Variants in CCDC150 observed in about 807,000 individuals in gnomAD.
The protein encoded by CCDC150 is coiled-coil domain-containing protein 150.
CCDC150 carries 151 observed loss-of-function variants against 156.5 expected under a neutral mutation model. That is an observed-to-expected ratio of 0.97 (90% confidence interval 0.85 to 1.10). The LOEUF (loss-of-function observed/expected upper bound fraction) is 1.10, where lower values mean the gene tolerates loss of function less well. CCDC150 is among the 50% of genes least tolerant of loss of function. The pLI is 0.00. For missense variants in CCDC150, 1,312 were observed against 1,268.1 expected (o/e 1.03, Z -0.53); for synonymous variants, 452 against 429.4 (o/e 1.05, Z -0.65).
At chr2:196,715,946 G>A (rs551836246) in intron 17 of CCDC150, among the ~76,000 whole-genome samples, 1 of 152,150 alleles carries the variant, frequency 6.6e-6, no homozygotes, top group Admixed American at 6.5e-5. Context: ...GGAATTATTT[G>A]CAAATCACAT....
intron 6 of CCDC150, 95 bp from the exon 7 acceptor site, chr2:196,666,624 A>C (rs1575786962): frequency 2.9e-6 from 3 of 1,034,048 alleles, no homozygotes; most frequent in Non-Finnish European, 4.2e-6. Flanking sequence ...TCTCAGTGAC[A>C]TTAAGGTTGG....
rs1559215863 is a variant in CCDC150, at chr2:196,653,579, C to G, written c.177-3054C>G. On this transcript the variant is annotated intron_variant, in intron 2 of 27. Transcript: ENST00000389175. Reference sequence around the variant, plus strand: ...TGTCCTCTGTCTATATTTCTGTCATCTAAGACCTCATCAGTATGTCCTCTG... The same window carrying G: ...TGTCCTCTGTCTATATTTCTGTCATGTAAGACCTCATCAGTATGTCCTCTG... Among the ~76,000 whole-genome samples, 6 of 152,328 alleles carry G rather than the reference C, an allele frequency of 3.9e-5. No homozygotes were observed. In the South Asian group the frequency reaches 1.0e-3, roughly 26 times the overall value.
chr2:196,703,151 G>A (rs1696353500), intron 15 of CCDC150, among the ~76,000 whole-genome samples: 1 of 152,160 alleles, frequency 6.6e-6, no homozygotes, highest in Non-Finnish European at 1.5e-5. Context: ...CCAAACCATA[G>A]CAGCAACTAT....
chr2:196,644,462 G>A (rs562075229), intron 1 of CCDC150, among the ~76,000 whole-genome samples: 6 of 152,224 alleles, frequency 3.9e-5, no homozygotes, highest in African/African-American at 1.2e-4. Flanking sequence ...AGCTGATCCA[G>A]CCCGACGGGC....
chr2:196,717,954 G>A (rs1308979101), intron 17 of CCDC150, among the ~76,000 whole-genome samples: 1 of 152,006 alleles, frequency 6.6e-6, no homozygotes, highest in East Asian at 1.9e-4. Flanking sequence ...CATCCTGTGA[G>A]CCTAAAATTA....
intron 15 of CCDC150, among the ~76,000 whole-genome samples, chr2:196,702,788 A>C (rs1696328628): frequency 6.6e-6 from 1 of 151,944 alleles, no homozygotes; most frequent in South Asian, 2.1e-4. Context: ...GCTATAACAG[A>C]ATGTCTGAGA....
At chr2:196,722,843 T>C (rs1005963679) in intron 21 of CCDC150, among the ~76,000 whole-genome samples, 4 of 151,804 alleles carry the variant, frequency 2.6e-5, no homozygotes, top group African/African-American at 9.7e-5. Context: ...TAAAATGTAG[T>C]CCCTGCCACT....
chr2:196,654,613 C>A (rs1693085318), intron 2 of CCDC150, among the ~76,000 whole-genome samples: 1 of 151,974 alleles, frequency 6.6e-6, no homozygotes, highest in Admixed American at 6.6e-5. Context: ...TACTTTCTTA[C>A]TCTCTTTTGT....
chr2:196,693,392 A>G (rs1423824047), intron 13 of CCDC150, among the ~76,000 whole-genome samples: 3 of 152,190 alleles, frequency 2.0e-5, no homozygotes, highest in East Asian at 3.8e-4. Flanking sequence ...TTAGATTTGT[A>G]CTTAAAGAAT....
chr2:196,689,062 C>A (rs1044944979), intron 13 of CCDC150, among the ~76,000 whole-genome samples: 2 of 152,108 alleles, frequency 1.3e-5, no homozygotes, highest in East Asian at 3.9e-4. Flanking sequence ...TGTAGATATG[C>A]GGCGTTATTT....
chr2:196,669,110 T>C (rs749867468), intron 7 of CCDC150, among the ~76,000 whole-genome samples: 26 of 152,246 alleles, frequency 1.7e-4, no homozygotes, highest in Non-Finnish European at 3.5e-4. Context: ...CTTTTCACTG[T>C]ACATGCTCTG....
At chr2:196,670,952 C>T (rs1694166222) in intron 8 of CCDC150, among the ~76,000 whole-genome samples, 1 of 152,130 alleles carries the variant, frequency 6.6e-6, no homozygotes, top group South Asian at 2.1e-4. Flanking sequence ...GCATAGCCTT[C>T]CTCATTAGCC....
chr2:196,693,656 C>T (rs1695624800), intron 13 of CCDC150, among the ~76,000 whole-genome samples: 1 of 152,124 alleles, frequency 6.6e-6, no homozygotes, highest in Non-Finnish European at 1.5e-5. Flanking sequence ...CCTTATCGCA[C>T]CAGCTATGGC....
intron 1 of CCDC150, among the ~76,000 whole-genome samples, chr2:196,643,484 G>A (rs955011153): frequency 3.9e-5 from 6 of 152,280 alleles, no homozygotes; most frequent in Admixed American, 2.0e-4. Flanking sequence ...ATGTACACAT[G>A]TCCTGGAGAG....
rs780069193 is a variant in CCDC150, at chr2:196,730,989, A to T, written c.3069+44A>T. The T allele has an allele frequency of 4.1e-6, 6 of 1,469,856 alleles. No homozygotes were observed. In the South Asian group the frequency reaches 7.7e-5, roughly 19 times the overall value. The allele number at this position is 1,469,856 out of a possible 1,614,324, so 91.1% of individuals were successfully genotyped here. A position where few individuals can be genotyped will look rare whatever the true frequency, so the allele number is the denominator to read the frequency against. ...CATAAAGACTTAGACGTTTCCTTCA[A>T]CACAGCAACCCTGAAGCAACCCAAG... On this transcript the variant is annotated intron_variant, in intron 26 of 27. Transcript: ENST00000389175.
At chr2:196,670,607 A>G (rs1694142346) in intron 8 of CCDC150, among the ~76,000 whole-genome samples, 1 of 149,334 alleles carries the variant, frequency 6.7e-6, no homozygotes, top group South Asian at 2.1e-4. Context: ...CTCCACTCTC[A>G]GGTCCTTGTT....
chr2:196,646,721 G>A (rs1692564757), intron 2 of CCDC150, among the ~76,000 whole-genome samples: 1 of 152,142 alleles, frequency 6.6e-6, no homozygotes, highest in African/African-American at 2.4e-5. Context: ...TATTTAAAAT[G>A]TGTTAATTAG....
At chr2:196,721,912 CATCCACT>C (rs959144512) in intron 21 of CCDC150, among the ~76,000 whole-genome samples, 32 of 152,350 alleles carry the variant, frequency 2.1e-4, no homozygotes, top group African/African-American at 7.5e-4. Context: ...GCTCTTCCTT[CATCCACT>C]ATCTAGCTGC....
chr2:196,659,957 G>A (rs1361203359), intron 5 of CCDC150, among the ~76,000 whole-genome samples: 1 of 152,064 alleles, frequency 6.6e-6, no homozygotes, highest in Non-Finnish European at 1.5e-5. Flanking sequence ...CCCTAAAAAT[G>A]CCCTGTGTTC....
Sources: allele counts gnomAD v4.1 joint callset (sites outside exome capture counted in the v4.1 genomes callset), GRCh38; gene constraint gnomAD v4.1.1; transcripts MANE v1.5; gene names NCBI Gene and HGNC (gene_info 2026-07-23, HGNC 2026-07-21).